PARD3B: variants seen among roughly 807,000 people sequenced by gnomAD.
The protein encoded by PARD3B is par-3 family cell polarity regulator beta.
PARD3B carries 103 observed loss-of-function variants against 130.2 expected under a neutral mutation model. The ratio of observed to expected loss-of-function variants is 0.79; its 90% CI spans 0.67 to 0.93. PARD3B has a LOEUF of 0.93. Ranked by LOEUF, PARD3B falls within the 40% of genes least tolerant of loss-of-function variation. The pLI is 0.00. For synonymous variants in PARD3B, 583 were observed against 553.2 expected, an observed-to-expected ratio of 1.05 and a Z score of -0.76; for missense variants, 1,609 against 1,499.2, an observed-to-expected ratio of 1.07 and a Z score of -1.21.
intron 2 of PARD3B, among the ~76,000 whole-genome samples, chr2:204,706,035 A>G (rs935694142): frequency 1.3e-5 from 2 of 152,124 alleles, no homozygotes; most frequent in Non-Finnish European, 2.9e-5. Context: ...AAACTTTTTT[A>G]AAGTATGGTT....
chr2:205,566,112 T>A (rs367673673), intron 22 of PARD3B, among the ~76,000 whole-genome samples: 1 of 152,116 alleles, frequency 6.6e-6, no homozygotes, highest in Non-Finnish European at 1.5e-5. Context: ...GAAAGGTGTG[T>A]GACTGGAACA....
rs796375405 is a variant in PARD3B, at chr2:204,925,274, TTA to T, written c.223-39876_223-39875del. Among the ~76,000 whole-genome samples the T allele has an allele frequency of 1.1e-4, 16 of 152,224 alleles. No homozygotes were observed. In the East Asian group the frequency reaches 2.1e-3, roughly 20 times the overall value. On this transcript the variant is annotated intron_variant, in intron 2 of 22. Transcript: ENST00000406610. ...ATAGCTTGAGACTCAAGGAGGAATT[TTA>T]TCTTTCCTATGATGATGGTGGCTAT...
chr2:204,662,797 TG>T (rs1191691451), intron 1 of PARD3B, among the ~76,000 whole-genome samples: 2 of 152,188 alleles, frequency 1.3e-5, no homozygotes, highest in African/African-American at 4.8e-5. Flanking sequence ...ACCAGCAGTT[TG>T]ACCCGCCATC....
chr2:205,498,902 A>G (rs1443497284), intron 20 of PARD3B, among the ~76,000 whole-genome samples: 3 of 152,174 alleles, frequency 2.0e-5, no homozygotes, highest in Non-Finnish European at 4.4e-5. Flanking sequence ...CTGTAAGAGC[A>G]CAAGTCATAA....
At chr2:205,124,503 C>A (rs750344335) in intron 9 of PARD3B, 37 bp downstream of exon 9, 20 of 1,489,930 alleles carry the variant, frequency 1.3e-5, no homozygotes, top group Non-Finnish European at 1.4e-5. Flanking sequence ...GAAAATATTT[C>A]TTGGCATTTA....
rs138390613 is a variant in PARD3B, at chr2:205,407,455, A to G, written c.2741+6332A>G. On this transcript the variant is annotated intron_variant, in intron 19 of 22. Transcript: ENST00000406610. The surrounding 1 kb of genome is among the most constrained non-coding windows in gnomAD (Gnocchi z 4.1). ...AAATTAGCATTTTTCACACATTCAGATTATGTAAATTAGCATCTTGAGCTG... is the reference window on the plus strand; with the variant it reads ...AAATTAGCATTTTTCACACATTCAGGTTATGTAAATTAGCATCTTGAGCTG... Among the ~76,000 whole-genome samples, 676 of 152,332 alleles carry G rather than the reference A, an allele frequency of 4.4e-3. 17 individuals are homozygous for G. The highest frequency in any genetic ancestry group is 0.041 in the Admixed American group (620 of 15,294).
At chr2:205,425,122 A>G (rs1293634047) in intron 19 of PARD3B, among the ~76,000 whole-genome samples, 2 of 152,178 alleles carry the variant, frequency 1.3e-5, no homozygotes, top group African/African-American at 4.8e-5. Flanking sequence ...AACACTAATG[A>G]CACCTTTTGT....
At chr2:204,928,023 A>G (rs1325338456) in intron 2 of PARD3B, among the ~76,000 whole-genome samples, 2 of 152,156 alleles carry the variant, frequency 1.3e-5, no homozygotes, top group Non-Finnish European at 2.9e-5. Context: ...TTCATTGCCC[A>G]TGAGTCCACA....
At chr2:205,148,755 T>C (rs1253677808) in intron 10 of PARD3B, among the ~76,000 whole-genome samples, 1 of 152,000 alleles carries the variant, frequency 6.6e-6, no homozygotes, top group African/African-American at 2.4e-5. Flanking sequence ...AGCTCTTTTG[T>C]TTGAGTTTTG....
At chr2:204,628,696 C>A (rs1010892313) in intron 1 of PARD3B, among the ~76,000 whole-genome samples, 1 of 152,010 alleles carries the variant, frequency 6.6e-6, no homozygotes, top group Non-Finnish European at 1.5e-5. Flanking sequence ...TAACTAAAAC[C>A]TTGCCAGTAT....
intron 14 of PARD3B, among the ~76,000 whole-genome samples, chr2:205,188,685 C>T (rs2036226932): frequency 6.6e-6 from 1 of 150,548 alleles, no homozygotes; most frequent in Admixed American, 6.7e-5. Context: ...AGGTGACCAG[C>T]AGCAGCAGGG....
intron 20 of PARD3B, among the ~76,000 whole-genome samples, chr2:205,486,702 A>G (rs1463479165): frequency 6.6e-6 from 1 of 152,050 alleles, no homozygotes. Flanking sequence ...AAACAACCAG[A>G]TCTCATAATA....
At chr2:204,817,422 G>C (rs938301280) in intron 2 of PARD3B, among the ~76,000 whole-genome samples, 2 of 152,076 alleles carry the variant, frequency 1.3e-5, no homozygotes, top group African/African-American at 4.8e-5. Context: ...CCAGAGCAAT[G>C]ATCAGTCTAC....
At chr2:204,922,160 G>A (rs571692201) in intron 2 of PARD3B, among the ~76,000 whole-genome samples, 1 of 152,150 alleles carries the variant, frequency 6.6e-6, no homozygotes, top group South Asian at 2.1e-4. Flanking sequence ...TAGGATGTGG[G>A]GAGATTCAAC....
rs537843892 is a variant in PARD3B at position 204,631,385 on chromosome 2, G to T, written c.121-54796G>T. On this transcript the variant is annotated intron_variant, in intron 1 of 22. Transcript: ENST00000406610. Reference sequence around the variant, plus strand: ...CTGCCTCAGCCTCCCAAGTAGCTGAGACTACAGGCATGCACCACCATGCCC... The same window carrying T: ...CTGCCTCAGCCTCCCAAGTAGCTGATACTACAGGCATGCACCACCATGCCC... Among the ~76,000 whole-genome samples, 19 of 152,186 alleles carry T rather than the reference G, an allele frequency of 1.2e-4. No individual in the cohort carries two copies. In the South Asian group the frequency reaches 3.7e-3, roughly 30 times the overall value.
In PARD3B at chr2:204,983,372, C is replaced by T. The variant is rs1254249725; in HGVS notation, c.394+18049C>T. 2.8e-5 allele frequency among the ~76,000 whole-genome samples: 4 copies of T among 143,628 alleles called. No individual in the cohort carries two copies. In the East Asian group the frequency reaches 8.3e-4, roughly 30 times the overall value. 94.2% of individuals were successfully genotyped at this position (143,628 alleles called of 152,430 possible). On this transcript the variant is annotated intron_variant, in intron 3 of 22. Transcript: ENST00000406610. ...CCAACCGAGGCTTTAATAAACAATG[C>T]ATCCAAAAATGTAAGCATGGTGGCT...
intron 22 of PARD3B, among the ~76,000 whole-genome samples, chr2:205,596,916 G>A (rs2054592488): frequency 2.0e-5 from 3 of 152,194 alleles, no homozygotes; most frequent in African/African-American, 7.2e-5. Context: ...GAATTGGGAG[G>A]TACTAATGTC....
At chr2:204,550,412 C>CTGTGTG (rs3051346) in intron 1 of PARD3B, among the ~76,000 whole-genome samples, 40,436 of 144,200 alleles carry the variant, frequency 0.28, 6,619 homozygotes, top group Admixed American at 0.4. Context: ...GGAGGGCTGA[C>CTGTGTG]TGTGTGTGTG....
chr2:204,979,767 T>C (rs777682710), intron 3 of PARD3B, among the ~76,000 whole-genome samples: 7 of 152,204 alleles, frequency 4.6e-5, no homozygotes, highest in Non-Finnish European at 7.3e-5. Flanking sequence ...TTGGTATTGC[T>C]GGTCAATTCA....
Sources: gnomAD v4.1 joint callset for allele counts (sites outside exome capture counted in the v4.1 genomes callset) on GRCh38, gnomAD v4.1.1 for gene constraint, Gnocchi (gnomAD v3.1) non-coding constraint, MANE v1.5 for transcripts, NCBI Gene and HGNC (gene_info 2026-07-23, HGNC 2026-07-21) for gene names.